The following NFIB variants were observed in gnomAD, a reference collection of about 807,000 sequenced individuals.
NFIB encodes the protein nuclear factor 1 B-type.
Under a neutral mutation model 61.5 loss-of-function variants are expected in NFIB, and 11 were observed. The ratio of observed to expected loss-of-function variants is 0.18; its 90% CI spans 0.11 to 0.30. NFIB has a LOEUF of 0.30. Ranked by LOEUF, NFIB falls within the 10% of genes least tolerant of loss-of-function variation. The pLI, the probability that NFIB is intolerant of heterozygous loss-of-function variation, is 1.00. For missense variants in NFIB, 471 were observed against 608.9 expected (o/e 0.77, Z 2.38); for synonymous variants, 260 against 216.5 (o/e 1.20, Z -1.76).
intron 1 of NFIB, among the ~76,000 whole-genome samples, chr9:14,382,960 G>C (rs2061505785): frequency 6.6e-6 from 1 of 152,116 alleles, no homozygotes; most frequent in African/African-American, 2.4e-5. Context: ...GTATCTGGAA[G>C]CCTCCCAACA....
intron 2 of NFIB, among the ~76,000 whole-genome samples, chr9:14,214,753 C>T (rs1462030071): frequency 6.6e-6 from 1 of 152,208 alleles, no homozygotes; most frequent in African/African-American, 2.4e-5. Context: ...GGTCCTGACT[C>T]TCTTTTCCAT....
At chr9:14,312,895 C>T (rs1229600068) in intron 1 of NFIB, among the ~76,000 whole-genome samples, 1 of 152,158 alleles carries the variant, frequency 6.6e-6, no homozygotes, top group Non-Finnish European at 1.5e-5. Flanking sequence ...CCCCAAAGTG[C>T]AGCAGGTCAC....
intron 5 of NFIB, among the ~76,000 whole-genome samples, chr9:14,148,666 C>G (rs1018352450): frequency 6.6e-6 from 1 of 152,056 alleles, no homozygotes; most frequent in Non-Finnish European, 1.5e-5. Context: ...AAGGTAAGGA[C>G]GTCTGACTTC....
the NFIB span, among the ~76,000 whole-genome samples, chr9:14,482,074 C>CA: frequency 1.4e-5 from 2 of 139,464 alleles, no homozygotes; most frequent in Non-Finnish European, 3.1e-5. Flanking sequence ...CCCACCCCCC[C>CA]ACCCCAAATG....
chr9:14,256,802 T>G (rs923124058), intron 2 of NFIB, among the ~76,000 whole-genome samples: 1 of 152,178 alleles, frequency 6.6e-6, no homozygotes, highest in Non-Finnish European at 1.5e-5. Flanking sequence ...AGAGGTCCTC[T>G]GCAGAACTTG....
intron 1 of NFIB, among the ~76,000 whole-genome samples, chr9:14,394,812 GTC>G (rs1162059195): frequency 6.6e-6 from 1 of 152,112 alleles, no homozygotes; most frequent in Non-Finnish European, 1.5e-5. Flanking sequence ...ACTGCCCTAA[GTC>G]TCAGCTGCCT....
intron 6 of NFIB, among the ~76,000 whole-genome samples, chr9:14,144,273 T>C (rs185739389): frequency 6.6e-6 from 1 of 152,122 alleles, no homozygotes; most frequent in African/African-American, 2.4e-5. Flanking sequence ...AAAGTGACAC[T>C]CTCTATAATA....
the NFIB span, among the ~76,000 whole-genome samples, chr9:14,448,459 T>C: frequency 6.6e-6 from 1 of 152,358 alleles, no homozygotes; most frequent in South Asian, 2.1e-4. Flanking sequence ...GGGATTGTCA[T>C]AATTCCCATG....
At chr9:14,414,195 T>A in the NFIB span, among the ~76,000 whole-genome samples, 345 of 152,168 alleles carry the variant, frequency 2.3e-3, 14 homozygotes, top group East Asian at 0.055. Context: ...CCTAGCACTT[T>A]GGGAGGCCAA....
intron 1 of NFIB, among the ~76,000 whole-genome samples, chr9:14,326,673 C>T (rs2060755774): frequency 8.4e-6 from 1 of 118,682 alleles, no homozygotes; most frequent in African/African-American, 3.1e-5. Context: ...CAGAGGTTTT[C>T]AAGAGCAGGT....
chr9:14,450,388 C>T, the NFIB span, among the ~76,000 whole-genome samples: 2 of 152,204 alleles, frequency 1.3e-5, no homozygotes, highest in Non-Finnish European at 1.5e-5. Context: ...TTTCCATGAA[C>T]CTCTTGCCCA....
chr9:14,258,017 T>C (rs1156679608), intron 2 of NFIB, among the ~76,000 whole-genome samples: 3 of 152,214 alleles, frequency 2.0e-5, no homozygotes, highest in Non-Finnish European at 4.4e-5. Flanking sequence ...ACTTCCCCCA[T>C]ATTTATGTTT....
chr9:14,474,494 G>A, the NFIB span, among the ~76,000 whole-genome samples: 5 of 152,190 alleles, frequency 3.3e-5, no homozygotes, highest in East Asian at 5.8e-4. Flanking sequence ...CATTCGCCCC[G>A]TTTTCTCAAA....
chr9:14,326,521 A>G (rs1438550790), intron 1 of NFIB, among the ~76,000 whole-genome samples: 1 of 152,200 alleles, frequency 6.6e-6, no homozygotes, highest in African/African-American at 2.4e-5. Flanking sequence ...ATCTTCTAAC[A>G]TAATAAATCT....
intron 2 of NFIB, among the ~76,000 whole-genome samples, chr9:14,261,575 G>A (rs370765713): frequency 4.6e-5 from 7 of 152,084 alleles, no homozygotes; most frequent in African/African-American, 1.5e-4. Flanking sequence ...AGTGTGCAAG[G>A]GGGAGAATGC....
chr9:14,427,342 G>T, the NFIB span, among the ~76,000 whole-genome samples: 1 of 152,142 alleles, frequency 6.6e-6, no homozygotes, highest in Non-Finnish European at 1.5e-5. Context: ...TCTTCTAAGT[G>T]CTTTGCCTAT....
At chr9:14,329,908 G>C (rs938692465) in intron 1 of NFIB, among the ~76,000 whole-genome samples, 1 of 151,798 alleles carries the variant, frequency 6.6e-6, no homozygotes, top group Non-Finnish European at 1.5e-5. Flanking sequence ...CGGATCACGA[G>C]GTCAGGAGAT....
chr9:14,263,217 T>A (rs998337502), intron 2 of NFIB, among the ~76,000 whole-genome samples: 3 of 152,178 alleles, frequency 2.0e-5, no homozygotes, highest in Admixed American at 1.3e-4. Context: ...ACAAGGTTTT[T>A]TTTTTCCCTT....
At chr9:14,529,872 C>T in the NFIB span, among the ~76,000 whole-genome samples, 1 of 152,132 alleles carries the variant, frequency 6.6e-6, no homozygotes, top group Non-Finnish European at 1.5e-5. Context: ...ATCTTCTCAG[C>T]AATAAAAGAC....
Sources: gnomAD v4.1 joint callset for allele counts (sites outside exome capture counted in the v4.1 genomes callset) on GRCh38, gnomAD v4.1.1 for gene constraint, MANE v1.5 for transcripts, NCBI Gene and HGNC (gene_info 2026-07-23, HGNC 2026-07-21) for gene names.